SAMD5: variants seen among roughly 807,000 people sequenced by gnomAD.
The protein encoded by SAMD5 is sterile alpha motif domain containing 5, also known as sterile alpha motif domain-containing protein 5.
Under a neutral mutation model 11.3 loss-of-function variants are expected in SAMD5, and 13 were observed. The ratio of observed to expected loss-of-function variants is 1.15; its 90% CI spans 0.75 to 1.83. SAMD5 has a LOEUF of 1.83. Ranked by LOEUF, SAMD5 falls within the 40% of genes most tolerant of loss-of-function variation. The probability of loss-of-function intolerance (pLI) is 0.00; values close to 1 mark genes in which losing one functional copy is unlikely to be tolerated. For synonymous variants in SAMD5, 129 were observed against 111.3 expected (o/e 1.16, Z -1.00); for missense variants, 255 against 239.1 (o/e 1.07, Z -0.44).
At chr6:147,668,609 C>G (rs141167752) in intron 1 of SAMD5, among the ~76,000 whole-genome samples, 1,844 of 151,858 alleles carry the variant, frequency 0.012, 44 homozygotes, top group African/African-American at 0.043. Context: ...TTTGGGAGGC[C>G]GAGGCAGGTG....
chr6:147,737,438 T>C (rs928594716), exon 2 of SAMD5: 1 of 910,064 alleles, frequency 1.1e-6, no homozygotes, highest in Non-Finnish European at 1.5e-6. Flanking sequence ...GACATTTCTT[T>C]GGACACATAA....
the SAMD5 span, among the ~76,000 whole-genome samples, chr6:147,870,449 A>AGTGTGTGT: frequency 1.3e-4 from 18 of 137,710 alleles, no homozygotes; most frequent in African/African-American, 4.1e-4. Context: ...TGTGTGTGTG[A>AGTGTGTGT]GTGTGTGTGT....
downstream of SAMD5, among the ~76,000 whole-genome samples, chr6:147,572,212 C>T (rs900626105): frequency 2.0e-5 from 3 of 151,034 alleles, no homozygotes; most frequent in African/African-American, 7.4e-5. Context: ...TTCCTATTTT[C>T]GGGGAACCTG....
rs571604254 is a variant in SAMD5 at position 147,534,593 on chromosome 6, C to T, written c.459+25206C>T. 7.6e-4 allele frequency among the ~76,000 whole-genome samples: 116 copies of T among 152,210 alleles called. 4 individuals carry two copies. In the South Asian group the frequency reaches 0.021, roughly 28 times the overall value. Reference sequence around the variant, plus strand: ...AAGGATAACTTGGTGGGAGGGGCGACGCCAGTGAGCCAGGAGTTAGGGTTA... The same window carrying T: ...AAGGATAACTTGGTGGGAGGGGCGATGCCAGTGAGCCAGGAGTTAGGGTTA... On this transcript the variant is annotated intron_variant, in intron 1 of 1. Coordinates refer to ENST00000367474, the MANE Select transcript of SAMD5 (RefSeq NM_001030060.3).
chr6:147,845,101 G>A, the SAMD5 span, among the ~76,000 whole-genome samples: 378 of 151,998 alleles, frequency 2.5e-3, 6 homozygotes, highest in African/African-American at 8.7e-3. Context: ...ATTGTACCCC[G>A]TAAATATACA....
the SAMD5 span, among the ~76,000 whole-genome samples, chr6:147,877,945 A>AGACGGAGTCT: frequency 1.5e-5 from 1 of 67,758 alleles, no homozygotes; most frequent in African/African-American, 8.0e-5. Context: ...ATAGATAGAT[A>AGACGGAGTCT]GACTCTGTCA....
At chr6:147,825,537 T>C in the SAMD5 span, among the ~76,000 whole-genome samples, 1 of 152,204 alleles carries the variant, frequency 6.6e-6, no homozygotes, top group African/African-American at 2.4e-5. Flanking sequence ...AGATGGCACA[T>C]TTTATTAGCA....
chr6:147,703,717 A>G (rs1583146430), intron 1 of SAMD5, among the ~76,000 whole-genome samples: 2 of 152,278 alleles, frequency 1.3e-5, no homozygotes. Context: ...ATTTAGAGAT[A>G]TTGTGGAAGA....
chr6:147,671,889 A>ATTTTTTT (rs56865442), intron 1 of SAMD5, among the ~76,000 whole-genome samples: 6 of 98,060 alleles, frequency 6.1e-5, no homozygotes, highest in African/African-American at 8.1e-5. Context: ...CTTTTTCAGG[A>ATTTTTTT]TTTTTTTTTT....
At chr6:147,943,930 G>A in the SAMD5 span, among the ~76,000 whole-genome samples, 1 of 152,098 alleles carries the variant, frequency 6.6e-6, no homozygotes, top group Non-Finnish European at 1.5e-5. Context: ...TGATTGCTGG[G>A]AGGCTGTGAG....
intron 1 of SAMD5, among the ~76,000 whole-genome samples, chr6:147,681,584 G>A (rs546099548): frequency 6.6e-5 from 10 of 151,876 alleles, no homozygotes; most frequent in African/African-American, 1.9e-4. Context: ...TTCTTTACAT[G>A]CCTGGTAAAT....
intron 1 of SAMD5, among the ~76,000 whole-genome samples, chr6:147,629,600 G>T (rs1321403112): frequency 2.0e-5 from 3 of 152,128 alleles, no homozygotes; most frequent in African/African-American, 7.2e-5. Flanking sequence ...TCTAGGACAG[G>T]GTGACAGAAG....
At chr6:147,513,301 C>T (rs12234160) in intron 1 of SAMD5, among the ~76,000 whole-genome samples, 6,268 of 152,244 alleles carry the variant, frequency 0.041, 349 homozygotes, top group East Asian at 0.18. Context: ...GAGAGAGACA[C>T]TAGTGGCATG....
At chr6:147,663,652 T>G (rs978706794) in intron 1 of SAMD5, among the ~76,000 whole-genome samples, 3 of 151,250 alleles carry the variant, frequency 2.0e-5, no homozygotes, top group African/African-American at 7.3e-5. Flanking sequence ...ATTAGCCAGG[T>G]GTGGTGGTGC....
intron 1 of SAMD5, among the ~76,000 whole-genome samples, chr6:147,617,780 T>C (rs1019559222): frequency 1.3e-5 from 2 of 152,206 alleles, no homozygotes; most frequent in African/African-American, 4.8e-5. Context: ...ATACTTCCAA[T>C]GGCATCCAAG....
chr6:147,946,897 A>G, the SAMD5 span, among the ~76,000 whole-genome samples: 1 of 152,352 alleles, frequency 6.6e-6, no homozygotes, highest in African/African-American at 2.4e-5. Flanking sequence ...TTAACCTGAA[A>G]TCATAAATAC....
chr6:147,624,923 T>C (rs1336889286), intron 1 of SAMD5, among the ~76,000 whole-genome samples: 2 of 151,700 alleles, frequency 1.3e-5, no homozygotes, highest in Non-Finnish European at 2.9e-5. Context: ...GGTTAGATTA[T>C]GGAGAGAATG....
At chr6:147,807,682 T>C in the SAMD5 span, among the ~76,000 whole-genome samples, 1 of 152,216 alleles carries the variant, frequency 6.6e-6, no homozygotes, top group Non-Finnish European at 1.5e-5. Context: ...CCATCGTCCT[T>C]ATGTGTAAGA....
the SAMD5 span, among the ~76,000 whole-genome samples, chr6:147,815,526 G>A: frequency 6.6e-5 from 10 of 152,142 alleles, no homozygotes; most frequent in Admixed American, 3.9e-4. Flanking sequence ...GGAAGGGTTC[G>A]GCTATGGAAG....
Sources: allele counts gnomAD v4.1 joint callset (sites outside exome capture counted in the v4.1 genomes callset), GRCh38; gene constraint gnomAD v4.1.1; transcripts MANE v1.5; gene names NCBI Gene and HGNC (gene_info 2026-07-23, HGNC 2026-07-21).